PELP1: variants seen among roughly 807,000 people sequenced by gnomAD.
PELP1 encodes proline-, glutamic acid- and leucine-rich protein 1.
Under a neutral mutation model 95.5 loss-of-function variants are expected in PELP1, and 32 were observed. That is an observed-to-expected ratio of 0.34 (90% CI 0.25 to 0.45). The LOEUF (loss-of-function observed/expected upper bound fraction) is 0.45, where lower values mean the gene tolerates loss of function less well. Ranked by LOEUF, PELP1 falls within the 20% of genes least tolerant of loss-of-function variation. The pLI is 1.00. For synonymous variants in PELP1, 668 were observed against 600.1 expected, an observed-to-expected ratio of 1.11 and a Z score of -1.65; for missense variants, 1,358 against 1,444.8, an observed-to-expected ratio of 0.94 and a Z score of 0.97.
chr17:4,683,507 T>C (rs7211139), intron 3 of PELP1, among the ~76,000 whole-genome samples: 142,097 of 145,338 alleles, frequency 0.98, 69,541 homozygotes, highest in Middle Eastern at 1. Flanking sequence ...GTGTGAGCCA[T>C]CACGCCCAGC....
At chr17:4,702,203 G>C (rs1326249579) in intron 1 of PELP1, among the ~76,000 whole-genome samples, 3 of 152,200 alleles carry the variant, frequency 2.0e-5, no homozygotes, top group African/African-American at 7.2e-5. Context: ...TGAATCGCCT[G>C]AACTCGGGAC....
intron 4 of PELP1, 34 bp from the exon 5 acceptor site, chr17:4,682,607 G>T (rs763128163): frequency 6.4e-7 from 1 of 1,559,646 alleles, no homozygotes; most frequent in East Asian, 2.2e-5. Flanking sequence ...ACGAGAGGCT[G>T]CGAGCACCAT....
At chr17:4,682,782 G>C in intron 4 of PELP1, 21 bp downstream of exon 4, 1 of 1,548,130 alleles carries the variant, frequency 6.5e-7, no homozygotes, top group Non-Finnish European at 8.7e-7. Context: ...CCATGGGGAA[G>C]GGTCCAGGGA....
rs868215922 is a variant in PELP1 at position 4,671,932 on chromosome 17, G to A, written c.3059C>T (p.Ala1020Val). Residue 1020 changes from alanine (A) to valine (V), a missense_variant, in exon 16 of 17, where the codon GCT becomes GTT. By Grantham distance (64) the Ala-to-Val change is moderately conservative (BLOSUM62 0). This residue lies in a region of PELP1 where 283 missense variants were observed against 284.1 expected (regional missense o/e 1.00). Transcript: ENST00000572293. Reference sequence around the variant, plus strand: ...AGGGGCCAGGGTGGGAGCTGTGTCAGCCCCACGCTCCTCCTCCGTCCCTGG... The same window carrying A: ...AGGGGCCAGGGTGGGAGCTGTGTCAACCCCACGCTCCTCCTCCGTCCCTGG... ...EEPGTEEERG[A>V]DTAPTLAPEA... 1.3e-6 allele frequency: 2 copies of A among 1,522,960 alleles called. No homozygotes were observed. The highest frequency in any genetic ancestry group is 1.4e-5 in the African/African-American group (1 of 71,868). 94.3% of individuals were successfully genotyped at this position (1,522,960 alleles called of 1,614,324 possible).
chr17:4,700,188 A>T (rs1913467322), intron 1 of PELP1, among the ~76,000 whole-genome samples: 1 of 152,128 alleles, frequency 6.6e-6, no homozygotes, highest in Admixed American at 6.5e-5. Flanking sequence ...TACAGGCGTG[A>T]GCCATCACGC....
chr17:4,686,369 T>A lies in PELP1; in HGVS notation c.421-3417A>T, dbSNP rs530574558. ...ACACTAAATCTGTCTCAAACCTGTA[T>A]CGTTCTCATCAGTTCTACTGCCACA... On this transcript the variant is annotated intron_variant, in intron 3 of 16. Coordinates refer to ENST00000572293, the MANE Select transcript of PELP1 (RefSeq NM_014389.3). Among the ~76,000 whole-genome samples, 92 of 152,244 alleles carry A rather than the reference T, an allele frequency of 6.0e-4. 1 individual carries two copies. The South Asian group carries it at 0.019, about 31-fold the overall frequency.
rs1912783135 is a variant in PELP1 at position 4,683,446 on chromosome 17, TC to T, written c.421-495del. On this transcript the variant is annotated intron_variant, in intron 3 of 16. Transcript: ENST00000572293. ...TATGTTAGCCAGGATGGTCTCGATC[TC>T]CGACCTCGTGATCTGCCCGCCTTGG... is the stretch of plus-strand genomic sequence containing the variant. Among the ~76,000 whole-genome samples, 8 of 149,902 alleles carry T rather than the reference TC, an allele frequency of 5.3e-5. No individual in the cohort carries two copies. The South Asian group carries it at 1.7e-3, about 31-fold the overall frequency.
intron 1 of PELP1, among the ~76,000 whole-genome samples, chr17:4,694,568 G>A (rs959933682): frequency 1.3e-5 from 2 of 149,800 alleles, no homozygotes; most frequent in Non-Finnish European, 3.0e-5. Context: ...GCTGAGGCAG[G>A]AGAACCGCTT....
rs1005154952 is a variant in PELP1, at chr17:4,670,952, C to T, written c.*487G>A. On this transcript the variant is annotated 3_prime_UTR_variant, in exon 17 of 17. Coordinates refer to ENST00000572293, the MANE Select transcript of PELP1 (RefSeq NM_014389.3). ...AATTCAATGACTAAACTGCTCCACACCTTTTCCTAATTTCCTAAACTTCCA... is the reference window on the plus strand; with the variant it reads ...AATTCAATGACTAAACTGCTCCACATCTTTTCCTAATTTCCTAAACTTCCA... 3 of 158,218 alleles carry T rather than the reference C, an allele frequency of 1.9e-5. No homozygotes were observed. Among genetic ancestry groups the T allele is most frequent in the African/African-American group, 7.2e-5 (3 of 41,538 alleles). 9.8% of individuals were successfully genotyped at this position (158,218 alleles called of 1,614,324 possible).
At chr17:4,694,737 C>T (rs1415647627) in intron 1 of PELP1, among the ~76,000 whole-genome samples, 1 of 151,420 alleles carries the variant, frequency 6.6e-6, no homozygotes, top group Non-Finnish European at 1.5e-5. Flanking sequence ...CTTTGGGGGG[C>T]CGAGGCAGGT....
chr17:4,694,730 T>G (rs1398539304), intron 1 of PELP1, among the ~76,000 whole-genome samples: 1 of 150,956 alleles, frequency 6.6e-6, no homozygotes, highest in South Asian at 2.1e-4. Context: ...GCCAGCACTT[T>G]GGGGGGCCGA....
At chr17:4,689,810 G>A (rs1427713102) in intron 3 of PELP1, among the ~76,000 whole-genome samples, 3 of 152,072 alleles carry the variant, frequency 2.0e-5, no homozygotes, top group African/African-American at 4.8e-5. Context: ...GGTGGATCAC[G>A]AGGTCAGGAG....
In PELP1 at chr17:4,682,871, G is replaced by A. The variant is rs1399492188; in HGVS notation, c.502C>T (p.Leu168=). 5.0e-6 allele frequency: 8 copies of A among 1,601,256 alleles called. No homozygotes were observed. The highest frequency in any genetic ancestry group is 6.0e-6 in the Non-Finnish European group (7 of 1,175,016). Residue 168 remains leucine (L), a synonymous_variant, in exon 4 of 17, where the codon CTG becomes TTG. Transcript: ENST00000572293. The part of the protein sequence containing the change: ...LLRYAAQLPA[L]FRDISMNHLP... ...TGGTTCATGGAGATGTCCCGGAACA[G>A]TGCAGGCAGCTGGGCTGCATATCGG...
intron 4 of PELP1, 51 bp from the exon 5 acceptor site, chr17:4,682,624 A>G: frequency 6.6e-7 from 1 of 1,509,010 alleles, no homozygotes; most frequent in Non-Finnish European, 9.2e-7. Flanking sequence ...CCATGTCACC[A>G]TATTCCATCT....
chr17:4,676,460 A>G lies in PELP1; in HGVS notation c.750T>C (p.Phe250=), dbSNP rs1912482427. The change falls in exon 7 of 17, where the codon TTT becomes TTC. Residue 250 remains phenylalanine (F), a synonymous_variant. Coordinates refer to ENST00000572293, the MANE Select transcript of PELP1 (RefSeq NM_014389.3). ...YSRLPSLGAG[F]SQGLKHTESW... is the part of the protein sequence containing the mutation. ...TCTCGGTGTGCTTCAGGCCTTGGGA[A>G]AAGCCAGCCCCTAAAGAGGGCAGCC... 6 of 1,613,710 alleles carry G rather than the reference A, an allele frequency of 3.7e-6. No homozygotes were observed. The South Asian group carries it at 4.4e-5, about 12-fold the overall frequency.
intron 5 of PELP1, among the ~76,000 whole-genome samples, chr17:4,677,091 C>A (rs1015562667): frequency 1.3e-5 from 2 of 152,038 alleles, no homozygotes; most frequent in African/African-American, 4.8e-5. Flanking sequence ...ACAGTTTTTG[C>A]AAAATTTTTC....
intron 1 of PELP1, among the ~76,000 whole-genome samples, chr17:4,699,842 C>T (rs1486983015): frequency 6.6e-6 from 1 of 151,728 alleles, no homozygotes; most frequent in Non-Finnish European, 1.5e-5. Flanking sequence ...CCATCTCAGC[C>T]TCCCAAAGTG....
At position 4,676,237 on chromosome 17, in the gene PELP1, C is replaced by T. The variant is rs1329861171; in HGVS notation, c.854-75G>A. On this transcript the variant is annotated intron_variant, in intron 7 of 16. Transcript: ENST00000572293. ...TCTGTCATTTCTGGTGGACGACCTG[C>T]CTGTATTCTAACCCATTTTCCCCAA... 3.1e-5 allele frequency: 49 copies of T among 1,591,350 alleles called. No individual in the cohort carries two copies. In the Middle Eastern group the frequency reaches 2.2e-3, roughly 71 times the overall value.
At chr17:4,680,247 C>G (rs1409549740) in intron 5 of PELP1, among the ~76,000 whole-genome samples, 1 of 152,180 alleles carries the variant, frequency 6.6e-6, no homozygotes, top group African/African-American at 2.4e-5. Context: ...AACTTACTTT[C>G]TTGCTTTGGT....
Sources: gnomAD v4.1 joint callset for allele counts (sites outside exome capture counted in the v4.1 genomes callset) on GRCh38, gnomAD v4.1.1 for gene constraint, gnomAD v4.1.1 regional missense constraint, MANE v1.5 for transcripts, NCBI Gene and HGNC (gene_info 2026-07-23, HGNC 2026-07-21) for gene names.